Variants in PACSIN1 observed in about 807,000 individuals in gnomAD.
The protein encoded by PACSIN1 is protein kinase C and casein kinase substrate in neurons protein 1.
PACSIN1 carries 15 observed loss-of-function variants against 59.5 expected under a neutral mutation model. The ratio of observed to expected loss-of-function variants is 0.25; its 90% CI spans 0.17 to 0.39. PACSIN1 has a LOEUF of 0.39. Among genes scored for constraint, PACSIN1 ranks in the 10% least tolerant of loss-of-function variants. The pLI, the probability that PACSIN1 is intolerant of heterozygous loss-of-function variation, is 1.00. For synonymous variants in PACSIN1, 210 were observed against 220.6 expected (o/e 0.95, Z 0.42); for missense variants, 420 against 580.2 (o/e 0.72, Z 2.84).
chr6:34,526,905 T>C (rs910199639), intron 2 of PACSIN1, among the ~76,000 whole-genome samples: 1 of 152,104 alleles, frequency 6.6e-6, no homozygotes, highest in African/African-American at 2.4e-5. Context: ...TAATAAGCGT[T>C]TAATGAGATG....
At chr6:34,499,235 G>A (rs1039954100) in intron 1 of PACSIN1, among the ~76,000 whole-genome samples, 3 of 151,688 alleles carry the variant, frequency 2.0e-5, no homozygotes, top group Non-Finnish European at 4.4e-5. Flanking sequence ...TTCACAGTAG[G>A]ATTTGCGCTC....
chr6:34,492,254 T>C (rs1194617146), intron 1 of PACSIN1, among the ~76,000 whole-genome samples: 1 of 141,300 alleles, frequency 7.1e-6, no homozygotes, highest in Admixed American at 8.0e-5. Context: ...CAGGCTGGAG[T>C]GCAGTGACAC....
chr6:34,477,574 A>G (rs1353859115), intron 1 of PACSIN1, among the ~76,000 whole-genome samples: 1 of 152,088 alleles, frequency 6.6e-6, no homozygotes, highest in South Asian at 2.1e-4. Flanking sequence ...CTCAAGTCCA[A>G]TTTCCATCAT....
intron 1 of PACSIN1, among the ~76,000 whole-genome samples, chr6:34,502,421 A>G (rs1446997984): frequency 6.7e-6 from 1 of 149,668 alleles, no homozygotes; most frequent in African/African-American, 2.5e-5. Context: ...TACTGCAGCC[A>G]TCCCAGCTGA....
rs916852865 is a variant in PACSIN1 at position 34,521,369 on chromosome 6, A to G, written c.-63-4874A>G. On this transcript the variant is annotated intron_variant, in intron 1 of 9. Coordinates refer to ENST00000244458, the MANE Select transcript of PACSIN1 (RefSeq NM_020804.5). The surrounding 1 kb of genome is among the most constrained non-coding windows in gnomAD (Gnocchi z 4.3). ...GGTCCACACGAGGCCTGGCCTCTCC[A>G]GGCTCCTGCTCTTAATTCCTCTGTC... Among the ~76,000 whole-genome samples, 4 of 152,148 alleles carry G rather than the reference A, an allele frequency of 2.6e-5. No individual in the cohort carries two copies. Among genetic ancestry groups the G allele is most frequent in the Admixed American group, 1.3e-4 (2 of 15,282 alleles).
At chr6:34,519,258 G>A (rs1288072507) in intron 1 of PACSIN1, among the ~76,000 whole-genome samples, 1 of 152,088 alleles carries the variant, frequency 6.6e-6, no homozygotes, top group East Asian at 1.9e-4. Flanking sequence ...GCCTCTCTGG[G>A]GCCCTCCAGC....
At chr6:34,478,305 C>A (rs1766667424) in intron 1 of PACSIN1, among the ~76,000 whole-genome samples, 1 of 150,366 alleles carries the variant, frequency 6.7e-6, no homozygotes, top group Non-Finnish European at 1.5e-5. Flanking sequence ...GTGATCCACC[C>A]TCCTCGGCCT....
rs114646145 is a variant in PACSIN1, at chr6:34,495,346, T to C, written c.-64+29076T>C. Among the ~76,000 whole-genome samples the C allele has an allele frequency of 7.6e-3, 1,151 of 152,322 alleles. 17 individuals carry two copies. The highest frequency in any genetic ancestry group is 0.025 in the African/African-American group (1,043 of 41,560). ...ACATTTCCCATATATGGGCTAATGA[T>C]TGGAATCACATGAAGGAACTTTACA... is the stretch of plus-strand genomic sequence containing the variant. On this transcript the variant is annotated intron_variant, in intron 1 of 9. Coordinates refer to ENST00000244458, the MANE Select transcript of PACSIN1 (RefSeq NM_020804.5).
chr6:34,473,114 A>G (rs1363005398), intron 1 of PACSIN1, among the ~76,000 whole-genome samples: 3 of 150,912 alleles, frequency 2.0e-5, no homozygotes, highest in Non-Finnish European at 2.9e-5. Flanking sequence ...AATGGGGATA[A>G]TCTCTTGTCT....
intron 1 of PACSIN1, among the ~76,000 whole-genome samples, chr6:34,505,386 T>G (rs1490273865): frequency 2.0e-5 from 3 of 152,120 alleles, no homozygotes; most frequent in Non-Finnish European, 2.9e-5. Flanking sequence ...TTTGCCAAGT[T>G]CAGGATTGTT....
chr6:34,481,309 C>T (rs1766715425), intron 1 of PACSIN1, among the ~76,000 whole-genome samples: 1 of 152,176 alleles, frequency 6.6e-6, no homozygotes, highest in Non-Finnish European at 1.5e-5. Flanking sequence ...CTTGGCTTCC[C>T]AAAGTGCTGG....
At chr6:34,493,403 A>G (rs988427004) in intron 1 of PACSIN1, among the ~76,000 whole-genome samples, 1 of 152,160 alleles carries the variant, frequency 6.6e-6, no homozygotes, top group African/African-American at 2.4e-5. Context: ...TGGCCTGGGC[A>G]CTCATTTCTG....
In PACSIN1 at chr6:34,532,287, C is replaced by T; in HGVS notation, c.1226-134C>T. On this transcript the variant is annotated intron_variant, in intron 9 of 9. Coordinates refer to ENST00000244458, the MANE Select transcript of PACSIN1 (RefSeq NM_020804.5). The surrounding 1 kb of genome is among the most constrained non-coding windows in gnomAD (Gnocchi z 5.2). ...TTGGCGTGGGACTGGGGCTGGTTTC[C>T]AGGGGCGGGGCCTAAGAATCTAAAA... 1.6e-6 allele frequency: 1 copy of T among 642,714 alleles called. No homozygotes were observed. The highest frequency in any genetic ancestry group is 2.8e-5 in the Admixed American group (1 of 36,114). 39.8% of individuals were successfully genotyped at this position (642,714 alleles called of 1,614,324 possible).
At chr6:34,471,824 C>T (rs941008158) in intron 1 of PACSIN1, among the ~76,000 whole-genome samples, 2 of 152,182 alleles carry the variant, frequency 1.3e-5, no homozygotes, top group African/African-American at 4.8e-5. Flanking sequence ...AGATGTCTGT[C>T]AGGAGGACCA....
At position 34,514,444 on chromosome 6, in the gene PACSIN1, T is replaced by A. The variant is rs1767253035; in HGVS notation, c.-63-11799T>A. ...AGAAAAAACTCAAAATTTTGAATTT[T>A]CATCAAATGAGAGAATAAATGATTA... On this transcript the variant is annotated intron_variant, in intron 1 of 9. Coordinates refer to ENST00000244458, the MANE Select transcript of PACSIN1 (RefSeq NM_020804.5). The surrounding 1 kb of genome is among the most constrained non-coding windows in gnomAD (Gnocchi z 4.4). Among the ~76,000 whole-genome samples, 2 of 152,194 alleles carry A rather than the reference T, an allele frequency of 1.3e-5. No individual in the cohort carries two copies. Among genetic ancestry groups the A allele is most frequent in the Non-Finnish European group, 2.9e-5 (2 of 68,036 alleles).
At chr6:34,480,141 CTT>C (rs1766694541) in intron 1 of PACSIN1, among the ~76,000 whole-genome samples, 1 of 150,658 alleles carries the variant, frequency 6.6e-6, no homozygotes, top group South Asian at 2.1e-4. Context: ...AGTTTGTTCT[CTT>C]TTTAAATTAA....
rs375480556 is a variant in PACSIN1, at chr6:34,529,383, C to T, written c.457-14C>T. On this transcript the variant is annotated splice_polypyrimidine_tract_variant and intron_variant, in intron 4 of 9. Transcript: ENST00000244458. This position sits in a 1 kb window ranked among gnomAD's most constrained non-coding sequence, Gnocchi z 6.3. ...CAAATGAAAACCCTACTCCCTATTC[C>T]CCCCTCCCCACAGCTGGAGGCAGCC... The T allele has an allele frequency of 8.7e-6, 14 of 1,613,880 alleles. No homozygotes were observed. Among genetic ancestry groups the T allele is most frequent in the Middle Eastern group, 1.6e-4 (1 of 6,084 alleles).
Position 34,530,937 on chromosome 6 carries a change from C to T in PACSIN1, c.1037+350C>T, listed in dbSNP as rs1561972382. On this transcript the variant is annotated intron_variant, in intron 8 of 9. Transcript: ENST00000244458. This position sits in a 1 kb window ranked among gnomAD's most constrained non-coding sequence, Gnocchi z 4.4. ...GCGCTCCTATGAGAATCTAACGCCG[C>T]GGCTGATCTAACAGGAGGTGCAGCT... is the stretch of plus-strand genomic sequence containing the variant. 6.6e-6 allele frequency among the ~76,000 whole-genome samples: 1 copy of T among 152,184 alleles called. No homozygotes were observed. The highest frequency in any genetic ancestry group is 1.5e-5 in the Non-Finnish European group (1 of 68,036).
chr6:34,530,768 G>C lies in PACSIN1; in HGVS notation c.1037+181G>C, dbSNP rs959164065. Among the ~76,000 whole-genome samples the C allele has an allele frequency of 1.3e-5, 2 of 152,186 alleles. No individual in the cohort carries two copies. The highest frequency in any genetic ancestry group is 4.8e-5 in the African/African-American group (2 of 41,450). On this transcript the variant is annotated intron_variant, in intron 8 of 9. Coordinates refer to ENST00000244458, the MANE Select transcript of PACSIN1 (RefSeq NM_020804.5). The surrounding 1 kb of genome is among the most constrained non-coding windows in gnomAD (Gnocchi z 4.4). ...CCAATCTTTTTGGGACCAGGGACCA[G>C]TTTTGTGGAAGACAATTTTTCCACG...
Sources: gnomAD v4.1 joint callset for allele counts (sites outside exome capture counted in the v4.1 genomes callset) on GRCh38, gnomAD v4.1.1 for gene constraint, Gnocchi (gnomAD v3.1) non-coding constraint, MANE v1.5 for transcripts, NCBI Gene and HGNC (gene_info 2026-07-23, HGNC 2026-07-21) for gene names.